The following PRTG variants were observed in gnomAD, a reference collection of about 807,000 sequenced individuals.
The protein encoded by PRTG is immunoglobulin superfamily, DCC subclass, member 5.
In PRTG, 67 loss-of-function variants were observed where a neutral mutation model predicts 122.5. The observed-to-expected ratio is 0.55, with a 90% CI of 0.45 to 0.67. PRTG has a LOEUF of 0.67. PRTG is among the 30% of genes least tolerant of loss of function. PRTG has a pLI of 0.00. For missense variants in PRTG, 1,435 were observed against 1,415.4 expected (o/e 1.01, Z -0.22); for synonymous variants, 554 against 501.1 (o/e 1.11, Z -1.41).
intron 2 of PRTG, among the ~76,000 whole-genome samples, chr15:55,733,433 C>G (rs537624717): frequency 1.3e-5 from 2 of 151,754 alleles, no homozygotes; most frequent in East Asian, 3.9e-4. Flanking sequence ...TTGCTTGAAA[C>G]CCACAGGCGG....
intron 2 of PRTG, among the ~76,000 whole-genome samples, chr15:55,690,119 T>C (rs1001635729): frequency 7.2e-5 from 11 of 152,330 alleles, no homozygotes; most frequent in South Asian, 4.1e-4. Flanking sequence ...ATTGATCCCA[T>C]TGTTCTTACA....
chr15:55,691,482 A>C (rs2059601433), intron 2 of PRTG, among the ~76,000 whole-genome samples: 1 of 151,818 alleles, frequency 6.6e-6, no homozygotes, highest in Admixed American at 6.6e-5. Context: ...GGAAATCAAA[A>C]CCATCCTGAC....
chr15:55,670,015 TTTAAAACACAG>T (rs1381033123), intron 11 of PRTG, among the ~76,000 whole-genome samples: 1 of 152,260 alleles, frequency 6.6e-6, no homozygotes, highest in Non-Finnish European at 1.5e-5. Context: ...ATGATTTATT[TTTAAAACACAG>T]GAGAAAATAA....
chr15:55,630,808 G>A (rs2059223556), intron 15 of PRTG, among the ~76,000 whole-genome samples: 1 of 152,144 alleles, frequency 6.6e-6, no homozygotes, highest in Non-Finnish European at 1.5e-5. Context: ...ATGTTTGTGG[G>A]TGGATATGCA....
intron 11 of PRTG, among the ~76,000 whole-genome samples, chr15:55,644,547 C>G (rs770257275): frequency 6.6e-6 from 1 of 152,124 alleles, no homozygotes; most frequent in Non-Finnish European, 1.5e-5. Flanking sequence ...CAGACAGAAA[C>G]AGCTTATGTG....
intron 2 of PRTG, among the ~76,000 whole-genome samples, chr15:55,713,640 T>C (rs984154109): frequency 1.3e-5 from 2 of 152,214 alleles, no homozygotes; most frequent in Non-Finnish European, 2.9e-5. Flanking sequence ...AAAAATAGTA[T>C]CTTCTTTAAA....
At chr15:55,730,000 T>C (rs1362682110) in intron 2 of PRTG, among the ~76,000 whole-genome samples, 1 of 152,228 alleles carries the variant, frequency 6.6e-6, no homozygotes, top group Non-Finnish European at 1.5e-5. Flanking sequence ...AATCACCTTA[T>C]ACAACAAGAA....
chr15:55,689,577 T>C (rs1283380965), intron 2 of PRTG, among the ~76,000 whole-genome samples: 1 of 150,744 alleles, frequency 6.6e-6, no homozygotes, highest in East Asian at 1.9e-4. Flanking sequence ...CATAGGCACA[T>C]GTATACCTAT....
intron 18 of PRTG, among the ~76,000 whole-genome samples, chr15:55,623,753 A>G (rs2059179376): frequency 6.6e-6 from 1 of 152,226 alleles, no homozygotes; most frequent in African/African-American, 2.4e-5. Flanking sequence ...TATTGTTCAC[A>G]ATGCTTACAA....
chr15:55,673,609 C>T lies in PRTG; in HGVS notation c.1614G>A (p.Leu538=). 6.2e-7 allele frequency: 1 copy of T among 1,614,162 alleles called. No individual in the cohort carries two copies. Among genetic ancestry groups the T allele is most frequent in the Non-Finnish European group, 8.5e-7 (1 of 1,180,006 alleles). The change falls in exon 10 of 20, where the codon CTG becomes CTA. Residue 538 remains leucine, a synonymous_variant. Transcript: ENST00000389286. ...CCCGCCGATATTTGGCTGGGATTGGCAGCCAGGAGATGAGAATATCAGTGG... is the reference window on the plus strand; with the variant it reads ...CCCGCCGATATTTGGCTGGGATTGGTAGCCAGGAGATGAGAATATCAGTGG... ...RSPTDILISW[L]PIPAKYRRGQ...
intron 8 of PRTG, among the ~76,000 whole-genome samples, chr15:55,676,049 GTTTT>G (rs962860080): frequency 1.3e-5 from 2 of 151,830 alleles, no homozygotes; most frequent in Admixed American, 6.6e-5. Flanking sequence ...AACTCATGGG[GTTTT>G]TTTTCTTTTA....
intron 2 of PRTG, among the ~76,000 whole-genome samples, chr15:55,717,757 G>A (rs916303513): frequency 6.6e-6 from 1 of 152,044 alleles, no homozygotes; most frequent in East Asian, 1.9e-4. Flanking sequence ...TACATAAAAA[G>A]TGTCCAGCAT....
chr15:55,691,574 A>G (rs541472639), intron 2 of PRTG, among the ~76,000 whole-genome samples: 125 of 151,588 alleles, frequency 8.2e-4, no homozygotes, highest in African/African-American at 2.9e-3. Context: ...CCAGCTACTC[A>G]GGAGGCTGAG....
intron 3 of PRTG, among the ~76,000 whole-genome samples, chr15:55,682,945 C>A (rs1256311432): frequency 6.6e-6 from 1 of 152,130 alleles, no homozygotes; most frequent in African/African-American, 2.4e-5. Context: ...ACTTTAAAGA[C>A]CTTTTAAAAT....
intron 2 of PRTG, among the ~76,000 whole-genome samples, chr15:55,684,924 G>A (rs140630870): frequency 6.6e-6 from 1 of 152,210 alleles, no homozygotes; most frequent in African/African-American, 2.4e-5. Flanking sequence ...AATCTTGAAG[G>A]GTTGGTATTT....
Position 55,740,436 on chromosome 15 carries a change from C to A in PRTG, c.343G>T (p.Ala115Ser), listed in dbSNP as rs1031467031. Residue 115 changes from alanine to serine, a missense_variant, in exon 2 of 20, where the codon GCA becomes TCA. Coordinates refer to ENST00000389286, the MANE Select transcript of PRTG (RefSeq NM_173814.6). ...AGAATGGCTCCATATTTGTTCATTGCCAAGCACTGATAAAATCCTTCATCG... is the reference window on the plus strand; with the variant it reads ...AGAATGGCTCCATATTTGTTCATTGACAAGCACTGATAAAATCCTTCATCG... ...QSDEGFYQCL[A>S]MNKYGAILSQ... 1.1e-5 allele frequency: 17 copies of A among 1,614,134 alleles called. No individual in the cohort carries two copies. Among genetic ancestry groups the A allele is most frequent in the Non-Finnish European group, 1.3e-5 (15 of 1,180,018 alleles).
At chr15:55,741,186 T>C (rs2031595639) in intron 1 of PRTG, among the ~76,000 whole-genome samples, 1 of 152,260 alleles carries the variant, frequency 6.6e-6, no homozygotes. Flanking sequence ...TGTGACAAAT[T>C]ACAAGTTTGC....
At chr15:55,669,967 C>G (rs746481932) in intron 11 of PRTG, among the ~76,000 whole-genome samples, 14 of 152,286 alleles carry the variant, frequency 9.2e-5, no homozygotes, top group Non-Finnish European at 1.6e-4. Context: ...ATAGCATACA[C>G]AGTGGATTTT....
At chr15:55,695,720 T>C (rs572833004) in intron 2 of PRTG, among the ~76,000 whole-genome samples, 5 of 152,346 alleles carry the variant, frequency 3.3e-5, no homozygotes, top group Non-Finnish European at 7.3e-5. Context: ...GGCTCATGCC[T>C]ATAATCCCAG....
Sources: gnomAD v4.1 joint callset for allele counts (sites outside exome capture counted in the v4.1 genomes callset) on GRCh38, gnomAD v4.1.1 for gene constraint, MANE v1.5 for transcripts, NCBI Gene and HGNC (gene_info 2026-07-23, HGNC 2026-07-21) for gene names.